Variants in SEMA3C observed in about 807,000 individuals in gnomAD.
The protein encoded by SEMA3C is semaphorin 3C.
In SEMA3C, 47 loss-of-function variants were observed where a neutral mutation model predicts 89.4. That is an observed-to-expected ratio of 0.53 (90% CI 0.42 to 0.67). The LOEUF is 0.67. SEMA3C is among the 30% of genes least tolerant of loss of function. The pLI is 0.00. For synonymous variants in SEMA3C, 310 were observed against 320.2 expected (o/e 0.97, Z 0.34); for missense variants, 839 against 929.1 (o/e 0.90, Z 1.26).
At chr7:80,856,679 T>A (rs953952397) in intron 2 of SEMA3C, among the ~76,000 whole-genome samples, 6 of 150,548 alleles carry the variant, frequency 4.0e-5, no homozygotes, top group African/African-American at 1.2e-4. Context: ...GGAAAAAAAA[T>A]GTTATAAACA....
intron 10 of SEMA3C, among the ~76,000 whole-genome samples, chr7:80,798,722 C>T (rs1789125983): frequency 6.6e-6 from 1 of 152,072 alleles, no homozygotes; most frequent in Non-Finnish European, 1.5e-5. Context: ...TTGGAGAAGT[C>T]TATGTTGTCA....
chr7:80,773,860 G>A (rs1788488200), intron 12 of SEMA3C, among the ~76,000 whole-genome samples: 1 of 152,194 alleles, frequency 6.6e-6, no homozygotes, highest in Non-Finnish European at 1.5e-5. Context: ...CCAGATTGCA[G>A]TTGCTACTCG....
chr7:80,853,003 C>CA (rs1790552565), intron 2 of SEMA3C, among the ~76,000 whole-genome samples: 1 of 152,072 alleles, frequency 6.6e-6, no homozygotes, highest in Non-Finnish European at 1.5e-5. Context: ...CAAAAGAAGA[C>CA]AAACAAATGG....
At chr7:80,865,544 T>C (rs1182041989) in intron 2 of SEMA3C, among the ~76,000 whole-genome samples, 3 of 152,138 alleles carry the variant, frequency 2.0e-5, no homozygotes, top group Non-Finnish European at 4.4e-5. Context: ...TCCTAGCACT[T>C]TGGGAGGCCA....
Position 80,818,291 on chromosome 7 carries a change from A to G in SEMA3C, c.447+8T>C, listed in dbSNP as rs770502169. On this transcript the variant is annotated splice_region_variant and intron_variant, in intron 5 of 17. Transcript: ENST00000265361. ...TCAAAACTAAGAATGTTAAATAGTT[A>G]TACTTACCTCTGATCTCCTCCCTCT... 38 of 1,594,174 alleles carry G rather than the reference A, an allele frequency of 2.4e-5. No homozygotes were observed. Among genetic ancestry groups the G allele is most frequent in the Admixed American group, 2.2e-4 (13 of 59,552 alleles).
intron 2 of SEMA3C, among the ~76,000 whole-genome samples, chr7:80,879,106 G>A (rs765764): frequency 0.55 from 83,675 of 151,800 alleles, 25,318 homozygotes; most frequent in South Asian, 0.71. Flanking sequence ...ATGAAGAGGA[G>A]AGGATGTACA....
At chr7:80,869,423 C>T (rs1438615224) in intron 2 of SEMA3C, among the ~76,000 whole-genome samples, 1 of 152,092 alleles carries the variant, frequency 6.6e-6, no homozygotes, top group East Asian at 1.9e-4. Context: ...ATATTTATAG[C>T]CCATAACAAC....
At chr7:80,919,418 A>C (rs1288542066), upstream of SEMA3C, 5 of 973,366 alleles carry the variant, frequency 5.1e-6, no homozygotes, top group Middle Eastern at 5.2e-4. Flanking sequence ...TCGAAGACTT[A>C]CACAGGCTTT....
At chr7:80,789,687 C>T (rs2115585373) in intron 11 of SEMA3C, among the ~76,000 whole-genome samples, 159 bp from the exon 12 acceptor site, 1 of 152,296 alleles carries the variant, frequency 6.6e-6, no homozygotes, top group East Asian at 1.9e-4. Flanking sequence ...TTATGTTTTA[C>T]TATCTGTAGA....
At chr7:80,780,710 C>T (rs749269195) in intron 12 of SEMA3C, among the ~76,000 whole-genome samples, 2 of 152,028 alleles carry the variant, frequency 1.3e-5, no homozygotes, top group Non-Finnish European at 2.9e-5. Context: ...GTGCAGAAAC[C>T]CCATCTCTAC....
At chr7:80,921,398 CTT>C (rs1450776392), upstream of SEMA3C, among the ~76,000 whole-genome samples, 1 of 152,158 alleles carries the variant, frequency 6.6e-6, no homozygotes, top group Admixed American at 6.5e-5. Flanking sequence ...TTGCCAGAGA[CTT>C]AGGCCACAGA....
At chr7:80,861,435 G>T (rs1790768641) in intron 2 of SEMA3C, among the ~76,000 whole-genome samples, 1 of 151,928 alleles carries the variant, frequency 6.6e-6, no homozygotes, top group Admixed American at 6.6e-5. Context: ...CCTTTAAATA[G>T]TCCATAAAAT....
chr7:80,910,234 AAAT>A (rs1459927285), intron 2 of SEMA3C, among the ~76,000 whole-genome samples: 53 of 152,220 alleles, frequency 3.5e-4, no homozygotes, highest in African/African-American at 1.1e-3. Flanking sequence ...ATAATAAATT[AAAT>A]AATAAGGGAA....
intron 2 of SEMA3C, among the ~76,000 whole-genome samples, chr7:80,838,048 A>C (rs1362339099): frequency 6.6e-6 from 1 of 152,208 alleles, no homozygotes; most frequent in African/African-American, 2.4e-5. Context: ...GGTGAATTAA[A>C]AATATGAGCA....
intron 12 of SEMA3C, among the ~76,000 whole-genome samples, chr7:80,773,465 T>C: frequency 6.6e-6 from 1 of 152,164 alleles, no homozygotes; most frequent in East Asian, 1.9e-4. Flanking sequence ...GAGTAATTGA[T>C]ACTAGAGTAC....
At position 80,829,377 on chromosome 7, in the gene SEMA3C, T is replaced by C. The variant is rs191947554; in HGVS notation, c.104-632A>G. 2.9e-4 allele frequency among the ~76,000 whole-genome samples: 44 copies of C among 152,266 alleles called. 1 individual carries two copies. Among genetic ancestry groups the C allele is most frequent in the South Asian group, 2.5e-3 (12 of 4,830 alleles). On this transcript the variant is annotated intron_variant, in intron 2 of 17. Coordinates refer to ENST00000265361, the MANE Select transcript of SEMA3C (RefSeq NM_006379.5). ...AACCAAAAAAAATACAGTGAGCAGA[T>C]TGAACAGAAAACAAAACCAACAGCA...
intron 2 of SEMA3C, among the ~76,000 whole-genome samples, chr7:80,892,577 G>C (rs1008459703): frequency 7.9e-5 from 12 of 152,008 alleles, no homozygotes; most frequent in African/African-American, 2.2e-4. Context: ...ACAATGTAGA[G>C]TACCTCATAC....
intron 2 of SEMA3C, among the ~76,000 whole-genome samples, chr7:80,900,449 T>G (rs1791851712): frequency 6.6e-6 from 1 of 152,222 alleles, no homozygotes; most frequent in Non-Finnish European, 1.5e-5. Flanking sequence ...CACATCTTGA[T>G]AAGTGTTTTA....
In SEMA3C at chr7:80,745,138, G is replaced by T; in HGVS notation, c.2012C>A (p.Thr671Lys). The change falls in exon 18 of 18, where the codon ACG becomes AAG. Residue 671 changes from threonine (T) to lysine (K), a missense_variant. Thr to Lys is a moderately conservative substitution (Grantham distance 78). Transcript: ENST00000265361. ...VLDSEMVAVV[T>K]DKWSPWTWAS... ...CCAGGTCCATGGGGACCATTTGTCCGTCACAACAGCCACCATTTCTGAATC... is the reference window on the plus strand; with the variant it reads ...CCAGGTCCATGGGGACCATTTGTCCTTCACAACAGCCACCATTTCTGAATC... 1 of 1,613,986 alleles carries T rather than the reference G, an allele frequency of 6.2e-7. No homozygotes were observed. Among genetic ancestry groups the T allele is most frequent in the Non-Finnish European group, 8.5e-7 (1 of 1,179,964 alleles).
Sources: gnomAD v4.1 joint callset for allele counts (sites outside exome capture counted in the v4.1 genomes callset) on GRCh38, gnomAD v4.1.1 for gene constraint, MANE v1.5 for transcripts, NCBI Gene and HGNC (gene_info 2026-07-23, HGNC 2026-07-21) for gene names.